The following MAP7 variants were observed in gnomAD, a reference collection of about 807,000 sequenced individuals.
The protein encoded by MAP7 is ensconsin.
In MAP7, 52 loss-of-function variants were observed where a neutral mutation model predicts 94.8. The observed-to-expected ratio is 0.55, with a 90% CI of 0.44 to 0.69. The LOEUF is 0.69. Ranked by LOEUF, MAP7 falls within the 30% of genes least tolerant of loss-of-function variation. The probability of loss-of-function intolerance (pLI) is 0.00; values close to 1 mark genes in which losing one functional copy is unlikely to be tolerated. For missense variants in MAP7, 940 were observed against 964.6 expected, an observed-to-expected ratio of 0.97 and a Z score of 0.34; for synonymous variants, 350 against 357.0, an observed-to-expected ratio of 0.98 and a Z score of 0.22.
chr6:136,507,252 C>T (rs1821815873), intron 1 of MAP7, among the ~76,000 whole-genome samples: 1 of 151,628 alleles, frequency 6.6e-6, no homozygotes, highest in African/African-American at 2.4e-5. Flanking sequence ...TTAAAGGATA[C>T]CTCATGTGAA....
intron 11 of MAP7, 122 bp from the exon 12 acceptor site, chr6:136,361,301 G>A: frequency 1.0e-6 from 1 of 967,598 alleles, no homozygotes; most frequent in Non-Finnish European, 1.6e-6. Context: ...AATCCCCACT[G>A]GATGCCTTCA....
intron 5 of MAP7, among the ~76,000 whole-genome samples, chr6:136,387,681 G>T (rs1779546213): frequency 6.6e-6 from 1 of 151,790 alleles, no homozygotes; most frequent in Middle Eastern, 3.4e-3. Flanking sequence ...ATCCAGAGAG[G>T]AGAATGATGA....
chr6:136,450,677 G>A (rs958064486), intron 1 of MAP7, among the ~76,000 whole-genome samples: 6 of 151,848 alleles, frequency 4.0e-5, no homozygotes, highest in African/African-American at 7.2e-5. Context: ...CCAGCTACTC[G>A]GAAGGCTGAG....
chr6:136,465,899 A>T (rs1202867061), intron 1 of MAP7, among the ~76,000 whole-genome samples: 3 of 152,176 alleles, frequency 2.0e-5, no homozygotes, highest in Non-Finnish European at 4.4e-5. Context: ...TGCAAATGTT[A>T]TCTGTGAAAA....
chr6:136,404,764 T>C (rs1233305179), intron 3 of MAP7, among the ~76,000 whole-genome samples: 1 of 152,212 alleles, frequency 6.6e-6, no homozygotes, highest in Non-Finnish European at 1.5e-5. Context: ...TACTCCAAAC[T>C]TACTTGTTAT....
At chr6:136,526,979 C>T (rs1038586943) in intron 1 of MAP7, among the ~76,000 whole-genome samples, 1 of 152,128 alleles carries the variant, frequency 6.6e-6, no homozygotes, top group Non-Finnish European at 1.5e-5. Flanking sequence ...CACCAGAGAT[C>T]ACAACGTGGA....
At position 136,369,564 on chromosome 6, in the gene MAP7, C is replaced by T. The variant is rs574099711; in HGVS notation, c.876+2937G>A. Among the ~76,000 whole-genome samples the T allele has an allele frequency of 1.4e-4, 12 of 86,506 alleles. No individual in the cohort carries two copies. The South Asian group carries it at 5.8e-3, about 42-fold the overall frequency. The allele number at this position is 86,506 out of a possible 152,430, so 56.8% of individuals were successfully genotyped here. ...CTCCAGCATGGGTGACAGAGTGAGA[C>T]TGTCTCAAAAAAAAAAAAGATATAT... On this transcript the variant is annotated intron_variant, in intron 8 of 17. Coordinates refer to ENST00000354570, the MANE Select transcript of MAP7 (RefSeq NM_003980.6).
At chr6:136,452,202 C>G (rs1801349226) in intron 1 of MAP7, among the ~76,000 whole-genome samples, 1 of 139,580 alleles carries the variant, frequency 7.2e-6, no homozygotes. Context: ...TCAAACAAAA[C>G]AAAACAAAAC....
chr6:136,406,972 T>A (rs1785815008), intron 3 of MAP7, among the ~76,000 whole-genome samples: 1 of 152,196 alleles, frequency 6.6e-6, no homozygotes, highest in Non-Finnish European at 1.5e-5. Context: ...ATAAAGTAAG[T>A]GACATTCTAT....
chr6:136,508,183 G>GC (rs1822151412), intron 1 of MAP7, among the ~76,000 whole-genome samples: 1 of 152,002 alleles, frequency 6.6e-6, no homozygotes, highest in African/African-American at 2.4e-5. Context: ...AAATTAGCGG[G>GC]GCATGGTGGC....
intron 1 of MAP7, chr6:136,525,925 T>C: frequency 6.5e-7 from 1 of 1,535,440 alleles, no homozygotes; most frequent in Non-Finnish European, 8.7e-7. Context: ...TTGGTCTTCT[T>C]CAGTCTCTCA....
intron 1 of MAP7, chr6:136,476,236 T>A (rs1810868245): frequency 6.6e-6 from 1 of 152,192 alleles, no homozygotes; most frequent in Non-Finnish European, 1.5e-5. Context: ...CTGCTTTGCT[T>A]CTGACAGTAG....
At chr6:136,354,200 T>C (rs1460419505) in intron 16 of MAP7, among the ~76,000 whole-genome samples, 4 of 145,106 alleles carry the variant, frequency 2.8e-5, no homozygotes, top group African/African-American at 9.9e-5. Context: ...ATATCTACTA[T>C]ATATAAATTT....
intron 1 of MAP7, among the ~76,000 whole-genome samples, chr6:136,544,919 A>G (rs1199559845): frequency 1.3e-5 from 2 of 151,976 alleles, no homozygotes; most frequent in Admixed American, 1.3e-4. Flanking sequence ...ACATAGCAAG[A>G]CCCGCCCCCC....
intron 1 of MAP7, among the ~76,000 whole-genome samples, chr6:136,502,923 G>A (rs966917248): frequency 2.0e-5 from 3 of 151,978 alleles, no homozygotes; most frequent in Admixed American, 6.6e-5. Flanking sequence ...CAAAACTGAG[G>A]TTGCCAGACC....
At chr6:136,413,900 C>T (rs1788329375) in intron 2 of MAP7, among the ~76,000 whole-genome samples, 1 of 152,098 alleles carries the variant, frequency 6.6e-6, no homozygotes, top group Middle Eastern at 3.4e-3. Flanking sequence ...CCCTTAGGAG[C>T]CTGCATAAAC....
intron 6 of MAP7, 94 bp downstream of exon 6, chr6:136,383,577 A>T: frequency 4.5e-6 from 3 of 659,838 alleles, no homozygotes; most frequent in Non-Finnish European, 7.5e-6. Flanking sequence ...ACGTAGGGAA[A>T]GCAACTTCAG....
intron 1 of MAP7, among the ~76,000 whole-genome samples, chr6:136,476,883 CAA>C (rs774370984): frequency 4.6e-5 from 7 of 152,090 alleles, no homozygotes; most frequent in African/African-American, 1.2e-4. Flanking sequence ...CTGATATAAA[CAA>C]GAGAGAAGTT....
intron 5 of MAP7, among the ~76,000 whole-genome samples, chr6:136,387,764 C>G (rs1425288534): frequency 1.3e-5 from 2 of 151,992 alleles, no homozygotes; most frequent in Non-Finnish European, 2.9e-5. Context: ...AAAAGGTTAT[C>G]AGATTCACAC....
Sources: gnomAD v4.1 joint callset for allele counts (sites outside exome capture counted in the v4.1 genomes callset) on GRCh38, gnomAD v4.1.1 for gene constraint, MANE v1.5 for transcripts, NCBI Gene and HGNC (gene_info 2026-07-23, HGNC 2026-07-21) for gene names.